The following TFF3 variants were observed in gnomAD, a reference collection of about 807,000 sequenced individuals.
The protein encoded by TFF3 is polypeptide P1.B.
In TFF3, 6 loss-of-function variants were observed where a neutral mutation model predicts 9.7. The observed-to-expected ratio is 0.62, with a 90% CI of 0.34 to 1.22. TFF3 has a LOEUF of 1.22. Ranked by LOEUF, TFF3 falls within the 50% of genes most tolerant of loss-of-function variation. TFF3 has a pLI of 0.04. For synonymous variants in TFF3, 48 were observed against 41.4 expected (o/e 1.16, Z -0.61); for missense variants, 93 against 98.6 (o/e 0.94, Z 0.24).
At chr21:42,314,713 C>T (rs2069349078) in intron 1 of TFF3, among the ~76,000 whole-genome samples, 1 of 152,176 alleles carries the variant, frequency 6.6e-6, no homozygotes, top group Admixed American at 6.5e-5. Flanking sequence ...TGGTGTGCCC[C>T]AAGCATTAGG....
chr21:42,312,700 G>A (rs2069337587), intron 2 of TFF3, among the ~76,000 whole-genome samples: 1 of 152,172 alleles, frequency 6.6e-6, no homozygotes, highest in Non-Finnish European at 1.5e-5. Flanking sequence ...GCCGGGGCCA[G>A]CAGGACTCAG....
In TFF3 at chr21:42,313,383, G is replaced by A; in HGVS notation, c.229+102C>T. On this transcript the variant is annotated intron_variant, in intron 2 of 2. Transcript: ENST00000518498. This position sits in a 1 kb window ranked among gnomAD's most constrained non-coding sequence, Gnocchi z 4.0. ...ACAGGTGTGTGTGTGTGGCTTCCTG[G>A]GGTCCTTGTGCCTCCATCTCCAGCC... The A allele has an allele frequency of 4.3e-6, 6 of 1,400,704 alleles. No homozygotes were observed. In the South Asian group the frequency reaches 5.6e-5, roughly 13 times the overall value. 86.8% of individuals were successfully genotyped at this position (1,400,704 alleles called of 1,614,324 possible).
At position 42,311,767 on chromosome 21, in the gene TFF3, T is replaced by C. The variant is rs1335056238; in HGVS notation, c.*489A>G. The C allele has an allele frequency of 3.7e-6, 1 of 269,312 alleles. No homozygotes were observed. The highest frequency in any genetic ancestry group is 7.2e-6 in the Non-Finnish European group (1 of 138,786). The allele number at this position is 269,312 out of a possible 1,614,324, so 16.7% of individuals were successfully genotyped here. ...AGTGGTTGTGAAATAAAGGACCACT[T>C]TGGAAGACAGTTTTATTGGCTTGCT... On this transcript the variant is annotated 3_prime_UTR_variant, in exon 3 of 3. Transcript: ENST00000518498.
rs560205485 is a variant in TFF3, at chr21:42,313,311, T to C, written c.229+174A>G. Reference sequence around the variant, plus strand: ...AAAGGGGACAGAAGAGGACAGCCCCTGGCCATGGCTGCCCTAAGTGTGAAG... The same window carrying C: ...AAAGGGGACAGAAGAGGACAGCCCCCGGCCATGGCTGCCCTAAGTGTGAAG... On this transcript the variant is annotated intron_variant, in intron 2 of 2. Transcript: ENST00000518498. This position sits in a 1 kb window ranked among gnomAD's most constrained non-coding sequence, Gnocchi z 4.0. Among the ~76,000 whole-genome samples the C allele has an allele frequency of 6.6e-6, 1 of 152,318 alleles. No individual in the cohort carries two copies. The highest frequency in any genetic ancestry group is 6.5e-5 in the Admixed American group (1 of 15,302).
At chr21:42,314,962 T>C (rs1377092766) in intron 1 of TFF3, among the ~76,000 whole-genome samples, 4 of 152,236 alleles carry the variant, frequency 2.6e-5, no homozygotes, top group African/African-American at 9.6e-5. Context: ...TTTTTCTTTG[T>C]AAATGTGGAA....
In TFF3 at chr21:42,313,688, T is replaced by A. The variant is rs769851888; in HGVS notation, c.83-57A>T. On this transcript the variant is annotated intron_variant, in intron 1 of 2. Transcript: ENST00000518498. The surrounding 1 kb of genome is among the most constrained non-coding windows in gnomAD (Gnocchi z 4.0). Reference sequence around the variant, plus strand: ...AGCCCTTGCTGGGCTGCGGTGAGTGTGTTTGCTTCACTTTGCAAGTTTGCA... The same window carrying A: ...AGCCCTTGCTGGGCTGCGGTGAGTGAGTTTGCTTCACTTTGCAAGTTTGCA... 3.4e-5 allele frequency: 53 copies of A among 1,543,524 alleles called. No individual in the cohort carries two copies. Among genetic ancestry groups the A allele is most frequent in the Non-Finnish European group, 4.4e-5 (50 of 1,142,152 alleles).
chr21:42,315,183 G>C (rs1309065331), intron 1 of TFF3, 110 bp downstream of exon 1: 7 of 1,394,932 alleles, frequency 5.0e-6, no homozygotes, highest in Admixed American at 4.9e-5. Context: ...GCAGGAAAAA[G>C]TGTATATGTG....
rs2069335015 is a variant in TFF3 at position 42,312,243 on chromosome 21, A to G, written c.*13T>C. The stretch of plus-strand genomic sequence containing the variant: ...AGCCTCGCATCCCCCGGCCGGGGGC[A>G]GCTGGAGGTGCCTCAGAAGGTGCAT... On this transcript the variant is annotated 3_prime_UTR_variant, in exon 3 of 3. Coordinates refer to ENST00000518498, the MANE Select transcript of TFF3 (RefSeq NM_003226.4). 3 of 1,613,322 alleles carry G rather than the reference A, an allele frequency of 1.9e-6. No individual in the cohort carries two copies. The highest frequency in any genetic ancestry group is 2.5e-6 in the Non-Finnish European group (3 of 1,179,640).
Position 42,313,446 on chromosome 21 carries a change from T to C in TFF3, c.229+39A>G, listed in dbSNP as rs1168089708. On this transcript the variant is annotated intron_variant, in intron 2 of 2. Transcript: ENST00000518498. The surrounding 1 kb of genome is among the most constrained non-coding windows in gnomAD (Gnocchi z 4.0). ...GGAGGCCCTGAGACCCCCTGCCTTA[T>C]GGGGCTGGGCCCAGACCACGATGCC... The C allele has an allele frequency of 6.4e-7, 1 of 1,566,896 alleles. No homozygotes were observed. The highest frequency in any genetic ancestry group is 8.6e-7 in the Non-Finnish European group (1 of 1,157,690).
In TFF3 at chr21:42,313,029, G is replaced by A. The variant is rs79341074; in HGVS notation, c.229+456C>T. On this transcript the variant is annotated intron_variant, in intron 2 of 2. Transcript: ENST00000518498. This position sits in a 1 kb window ranked among gnomAD's most constrained non-coding sequence, Gnocchi z 4.0. The stretch of plus-strand genomic sequence containing the variant: ...GAGAGGGAGAGGAGATGACCCTTGT[G>A]GGGGGCAGAGTGGGGGAGGTGGGGT... Among the ~76,000 whole-genome samples, 11 of 152,096 alleles carry A rather than the reference G, an allele frequency of 7.2e-5. No homozygotes were observed. The highest frequency in any genetic ancestry group is 2.4e-4 in the African/African-American group (10 of 41,414).
chr21:42,312,924 C>T lies in TFF3; in HGVS notation c.229+561G>A, dbSNP rs562304743. On this transcript the variant is annotated intron_variant, in intron 2 of 2. Coordinates refer to ENST00000518498, the MANE Select transcript of TFF3 (RefSeq NM_003226.4). ...CCCGTGTGCAGGGCCATCTGTTACCCGCACAGCACGCAGGCTCTCCGCCCC... is the reference window on the plus strand; with the variant it reads ...CCCGTGTGCAGGGCCATCTGTTACCTGCACAGCACGCAGGCTCTCCGCCCC... Among the ~76,000 whole-genome samples the T allele has an allele frequency of 1.4e-4, 22 of 152,268 alleles. 1 individual carries two copies. The East Asian group carries it at 3.5e-3, about 24-fold the overall frequency.
chr21:42,313,122 C>G lies in TFF3; in HGVS notation c.229+363G>C, dbSNP rs1336914332. On this transcript the variant is annotated intron_variant, in intron 2 of 2. Transcript: ENST00000518498. This position sits in a 1 kb window ranked among gnomAD's most constrained non-coding sequence, Gnocchi z 4.0. Reference sequence around the variant, plus strand: ...TCTGTGTAGGGGATGCCACAAATGACAAGACTCTGGGGGGCCGATTTGCAA... The same window carrying G: ...TCTGTGTAGGGGATGCCACAAATGAGAAGACTCTGGGGGGCCGATTTGCAA... 6.6e-6 allele frequency among the ~76,000 whole-genome samples: 1 copy of G among 152,144 alleles called. No individual in the cohort carries two copies. Among genetic ancestry groups the G allele is most frequent in the Non-Finnish European group, 1.5e-5 (1 of 68,004 alleles).
intron 1 of TFF3, among the ~76,000 whole-genome samples, chr21:42,314,981 A>G (rs1395462398): frequency 6.6e-6 from 1 of 152,234 alleles, no homozygotes; most frequent in East Asian, 1.9e-4. Context: ...AACAATGCAT[A>G]AAGACCTATA....
At chr21:42,314,810 A>T (rs547619275) in intron 1 of TFF3, among the ~76,000 whole-genome samples, 1 of 152,290 alleles carries the variant, frequency 6.6e-6, no homozygotes, top group Non-Finnish European at 1.5e-5. Flanking sequence ...CCCAGATAAA[A>T]GCCATGCCCT....
At chr21:42,314,396 G>A (rs575915246) in intron 1 of TFF3, among the ~76,000 whole-genome samples, 1 of 152,338 alleles carries the variant, frequency 6.6e-6, no homozygotes, top group Non-Finnish European at 1.5e-5. Flanking sequence ...GCTTACACCT[G>A]TAATTCCAGC....
rs1474050328 is a variant in TFF3 at position 42,311,981 on chromosome 21, G to A, written c.*275C>T. On this transcript the variant is annotated 3_prime_UTR_variant, in exon 3 of 3. Transcript: ENST00000518498. ...GTCTTTTCCTGCCCTTGAGGCCTGG[G>A]CAGACTCTCCCCTGACACCCTCCCG... is the stretch of plus-strand genomic sequence containing the variant. The A allele has an allele frequency of 4.6e-6, 3 of 654,958 alleles. No homozygotes were observed. The highest frequency in any genetic ancestry group is 8.4e-6 in the Non-Finnish European group (3 of 358,100). 40.6% of individuals were successfully genotyped at this position (654,958 alleles called of 1,614,324 possible). A position where few individuals can be genotyped will look rare whatever the true frequency, so the allele number is the denominator to read the frequency against.
rs1254643271 is a variant in TFF3 at position 42,313,434 on chromosome 21, C to A, written c.229+51G>T. On this transcript the variant is annotated intron_variant, in intron 2 of 2. Coordinates refer to ENST00000518498, the MANE Select transcript of TFF3 (RefSeq NM_003226.4). The surrounding 1 kb of genome is among the most constrained non-coding windows in gnomAD (Gnocchi z 4.0). Reference sequence around the variant, plus strand: ...CAGAAAGGACAGGGAGGCCCTGAGACCCCCTGCCTTATGGGGCTGGGCCCA... The same window carrying A: ...CAGAAAGGACAGGGAGGCCCTGAGAACCCCTGCCTTATGGGGCTGGGCCCA... 1.1e-5 allele frequency: 17 copies of A among 1,556,818 alleles called. No individual in the cohort carries two copies. The Admixed American group carries it at 3.4e-4, about 32-fold the overall frequency.
rs1212573880 is a variant in TFF3, at chr21:42,312,259, G to A, written c.240C>T (p.Phe80=). The A allele has an allele frequency of 6.2e-7, 1 of 1,611,440 alleles. No homozygotes were observed. Among genetic ancestry groups the A allele is most frequent in the Non-Finnish European group, 8.5e-7 (1 of 1,178,670 alleles). The change falls in exon 3 of 3, where the codon TTC becomes TTT. Residue 80 remains phenylalanine, a synonymous_variant. Coordinates refer to ENST00000518498, the MANE Select transcript of TFF3 (RefSeq NM_003226.4). Reference sequence around the variant, plus strand: ...GCCGGGGGCAGCTGGAGGTGCCTCAGAAGGTGCATTCTGCAAACAGAGCAA... The same window carrying A: ...GCCGGGGGCAGCTGGAGGTGCCTCAAAAGGTGCATTCTGCAAACAGAGCAA... ...FKPLQEAECT[F]
intron 2 of TFF3, among the ~76,000 whole-genome samples, chr21:42,312,983 C>T (rs2069339336): frequency 6.6e-6 from 1 of 152,106 alleles, no homozygotes; most frequent in African/African-American, 2.4e-5. Flanking sequence ...TTGCCCTGCA[C>T]CTGCCCTCCA....
Sources: gnomAD v4.1 joint callset for allele counts (sites outside exome capture counted in the v4.1 genomes callset) on GRCh38, gnomAD v4.1.1 for gene constraint, Gnocchi (gnomAD v3.1) non-coding constraint, MANE v1.5 for transcripts, NCBI Gene and HGNC (gene_info 2026-07-23, HGNC 2026-07-21) for gene names.